The following MYH7 variants were observed in gnomAD, a reference collection of about 807,000 sequenced individuals.
The protein encoded by MYH7 is myosin-7.
MYH7 carries 129 observed loss-of-function variants against 225.4 expected under a neutral mutation model. The ratio of observed to expected loss-of-function variants is 0.57; its 90% CI spans 0.50 to 0.66. The LOEUF (loss-of-function observed/expected upper bound fraction) is 0.66, where lower values mean the gene tolerates loss of function less well. Ranked by LOEUF, MYH7 falls within the 30% of genes least tolerant of loss-of-function variation. The probability of loss-of-function intolerance (pLI) is 0.00; values close to 1 mark genes in which losing one functional copy is unlikely to be tolerated. For synonymous variants in MYH7, 971 were observed against 1,007.6 expected (o/e 0.96, Z 0.69); for missense variants, 1,649 against 2,517.0 (o/e 0.66, Z 7.38).
rs1181864990 is a variant in MYH7 at position 23,419,306 on chromosome 14, A to G, written c.3854-11T>C. 1.2e-5 allele frequency: 19 copies of G among 1,613,828 alleles called. No homozygotes were observed. The highest frequency in any genetic ancestry group is 1.4e-5 in the Non-Finnish European group (17 of 1,179,970). On this transcript the variant is annotated splice_polypyrimidine_tract_variant and intron_variant, in intron 28 of 39. Transcript: ENST00000355349. ...GCCGGGACAGCTCACCTGGGGAAGC[A>G]CCATTCTAGATCAGCACTCCTCTCT... is the stretch of plus-strand genomic sequence containing the variant.
intron 33 of MYH7, 94 bp downstream of exon 33, chr14:23,416,774 A>G (rs1264218807): frequency 1.3e-6 from 2 of 1,598,088 alleles, no homozygotes; most frequent in Admixed American, 3.3e-5. Flanking sequence ...TGGGGATGGG[A>G]CAGTGAACAA....
rs753484341 is a variant in MYH7, at chr14:23,417,513, T to C, written c.4343A>G (p.Asn1448Ser). The C allele has an allele frequency of 6.2e-7, 1 of 1,612,286 alleles. No individual in the cohort carries two copies. Among genetic ancestry groups the C allele is most frequent in the Non-Finnish European group, 8.5e-7 (1 of 1,180,030 alleles). The change falls in exon 31 of 40, where the codon AAC becomes AGC. Residue 1448 changes from asparagine to serine, a missense_variant. By Grantham distance (46) the Asn-to-Ser change is conservative. This residue lies in a region of MYH7 where 687 missense variants were observed against 913.8 expected (regional missense o/e 0.75). Coordinates refer to ENST00000355349, the MANE Select transcript of MYH7 (RefSeq NM_000257.4). Reference protein sequence around the residue: ...AAAALDKKQRNFDKILAEWKQ... With the variant: ...AAAALDKKQRSFDKILAEWKQ... ...CCACCCAGGGCCCACCTTGTCGAAG[T>C]TCCTCTGCTTCTTGTCCAGGGCTGC...
In MYH7 at chr14:23,416,947, G is replaced by A. The variant is rs2138644446; in HGVS notation, c.4565C>T (p.Thr1522Ile). 1.2e-6 allele frequency: 2 copies of A among 1,614,246 alleles called. No individual in the cohort carries two copies. Among genetic ancestry groups the A allele is most frequent in the South Asian group, 1.1e-5 (1 of 91,082 alleles). The change falls in exon 33 of 40, where the codon ACT (threonine) becomes ATT (isoleucine). Residue 1522 changes from threonine (T) to isoleucine (I), a missense_variant. This residue lies in a region of MYH7 where 687 missense variants were observed against 913.8 expected (regional missense o/e 0.75). Transcript: ENST00000355349. Reference sequence around the variant, plus strand: ...TCGGACCTTCTCCAGCTCATGGATAGTCTTTCCGCTGGAACCCAACTGCTC... The same window carrying A: ...TCGGACCTTCTCCAGCTCATGGATAATCTTTCCGCTGGAACCCAACTGCTC... ...LTEQLGSSGK[T>I]IHELEKVRKQ...
intron 15 of MYH7, 114 bp from the exon 16 acceptor site, chr14:23,428,008 AG>A (rs1892764093): frequency 7.4e-7 from 1 of 1,351,664 alleles, no homozygotes; most frequent in South Asian, 1.3e-5. Context: ...TTAAGGTAGT[AG>A]GCTCAGCTCT....
chr14:23,414,452 T>C (rs1349123476), intron 37 of MYH7, among the ~76,000 whole-genome samples: 1 of 152,026 alleles, frequency 6.6e-6, no homozygotes, highest in African/African-American at 2.4e-5. Flanking sequence ...GCTATGAGTG[T>C]GATGGAATTT....
rs1222899350 is a variant in MYH7, at chr14:23,419,976, T to C, written c.3595A>G (p.Ser1199Gly). ...AAALRKKHADSVAELGEQIDN... is the reference protein window; with the variant it reads ...AAALRKKHADGVAELGEQIDN... The stretch of plus-strand genomic sequence containing the variant: ...ATCTGCTCGCCCAGCTCGGCCACGC[T>C]GTCGGCGTGCTTCTTGCGCAGGGCC... Residue 1199 changes from serine to glycine, a missense_variant, in exon 27 of 40, where the codon AGC becomes GGC. By Grantham distance (56) the Ser-to-Gly change is moderately conservative. Coordinates refer to ENST00000355349, the MANE Select transcript of MYH7 (RefSeq NM_000257.4). The C allele has an allele frequency of 6.2e-7, 1 of 1,605,442 alleles. No individual in the cohort carries two copies. The highest frequency in any genetic ancestry group is 8.5e-7 in the Non-Finnish European group (1 of 1,174,162).
In MYH7 at chr14:23,415,160, G is replaced by T; in HGVS notation, c.5394C>A (p.Asp1798Glu). Residue 1798 changes from aspartate (D) to glutamate (E), a missense_variant, in exon 37 of 40, where the codon GAC (aspartate) becomes GAA (glutamate). Coordinates refer to ENST00000355349, the MANE Select transcript of MYH7 (RefSeq NM_000257.4). This position sits in a 1 kb window ranked among gnomAD's most constrained non-coding sequence, Gnocchi z 6.3. ...QTIKDLQHRL[D>E]EAEQIALKGG... ...CCTTGAGGGCGATCTGCTCGGCTTC[G>T]TCCAGCCGGTGCTGCAGGTCCTTAA... 1.2e-6 allele frequency: 2 copies of T among 1,614,198 alleles called. No individual in the cohort carries two copies. Among genetic ancestry groups the T allele is most frequent in the Non-Finnish European group, 1.7e-6 (2 of 1,180,052 alleles).
At position 23,427,577 on chromosome 14, in the gene MYH7, C is replaced by A. The variant is rs200668471; in HGVS notation, c.1888+8G>T. On this transcript the variant is annotated splice_region_variant and intron_variant, in intron 16 of 39. Coordinates refer to ENST00000355349, the MANE Select transcript of MYH7 (RefSeq NM_000257.4). ...TCCTCTGTACCGGGAGCCTCAGTCCCTACTTACGCGCATCAGCCCCAGCAT... is the reference window on the plus strand; with the variant it reads ...TCCTCTGTACCGGGAGCCTCAGTCCATACTTACGCGCATCAGCCCCAGCAT... The A allele has an allele frequency of 1.6e-4, 261 of 1,613,934 alleles. No individual in the cohort carries two copies. Among genetic ancestry groups the A allele is most frequent in the Non-Finnish European group, 2.1e-4 (243 of 1,179,980 alleles).
intron 29 of MYH7, among the ~76,000 whole-genome samples, chr14:23,418,904 C>T (rs1355377125): frequency 6.6e-6 from 1 of 152,194 alleles, no homozygotes; most frequent in Non-Finnish European, 1.5e-5. Context: ...CATCCCCTAG[C>T]CGTGCCCGGG....
intron 32 of MYH7, 25 bp downstream of exon 32, chr14:23,417,128 C>A: frequency 6.2e-7 from 1 of 1,614,204 alleles, no homozygotes; most frequent in African/African-American, 1.3e-5. Flanking sequence ...CAGCCCCTCC[C>A]CAGCCTCTTG....
chr14:23,426,233 T>A, intron 18 of MYH7, 152 bp from the exon 19 acceptor site: 2 of 911,842 alleles, frequency 2.2e-6, no homozygotes, highest in Non-Finnish European at 3.3e-6. Context: ...CATTTTTAAC[T>A]AAAAGGCTTT....
rs1566532860 is a variant in MYH7, at chr14:23,426,072, TC to T, written c.2053del (p.Asp685ThrfsTer41). On this transcript the variant is annotated frameshift_variant, in exon 19 of 40. Coordinates refer to ENST00000355349, the MANE Select transcript of MYH7 (RefSeq NM_000257.4). LOFTEE classifies it high-confidence loss of function. ...CAGCTGGTGCATGACCAGGGGGTTGTCCATCACCCCTGTGGCAAGAAGGAAG... is the reference window on the plus strand; with the variant it reads ...CAGCTGGTGCATGACCAGGGGGTTGTCATCACCCCTGTGGCAAGAAGGAAG... ...PNETKSPGVM[D>X]NPLVMHQLRC... 1 of 1,614,176 alleles carries T rather than the reference TC, an allele frequency of 6.2e-7. No homozygotes were observed. The highest frequency in any genetic ancestry group is 8.5e-7 in the Non-Finnish European group (1 of 1,180,022).
intron 10 of MYH7, 41 bp from the exon 11 acceptor site, chr14:23,430,704 G>T: frequency 6.5e-7 from 1 of 1,546,144 alleles, no homozygotes; most frequent in Non-Finnish European, 8.9e-7. Context: ...ACAAGCCCCC[G>T]GCTCTCATGG....
At chr14:23,417,363 C>T (rs755412978) in intron 31 of MYH7, 45 bp from the exon 32 acceptor site, 17 of 1,612,384 alleles carry the variant, frequency 1.1e-5, no homozygotes, top group Middle Eastern at 2.1e-4. Flanking sequence ...AGCCTCAGCC[C>T]CATGTCCAGG....
At chr14:23,418,039 T>A in intron 30 of MYH7, 171 bp downstream of exon 30, 1 of 1,068,956 alleles carries the variant, frequency 9.4e-7, no homozygotes, top group Non-Finnish European at 1.5e-6. Flanking sequence ...GAAACATAAT[T>A]CGAGCAAAAA....
In MYH7 at chr14:23,417,566, C is replaced by A. The variant is rs372476972; in HGVS notation, c.4290G>T (p.Val1430=). The change falls in exon 31 of 40, where the codon GTG becomes GTT. Residue 1430 remains valine, a synonymous_variant. Coordinates refer to ENST00000355349, the MANE Select transcript of MYH7 (RefSeq NM_000257.4). Reference sequence around the variant, plus strand: ...CAGCAGCATTGGAGCGCTCTACGTCCACCATCAAGTCCTCGATCTCATTCT... The same window carrying A: ...CAGCAGCATTGGAGCGCTCTACGTCAACCATCAAGTCCTCGATCTCATTCT... ...RLQNEIEDLM[V]DVERSNAAAA... is the part of the protein sequence containing the mutation. 5.1e-5 allele frequency: 82 copies of A among 1,612,360 alleles called. No individual in the cohort carries two copies. In the Middle Eastern group the frequency reaches 6.5e-4, roughly 13 times the overall value.
intron 33 of MYH7, 74 bp from the exon 34 acceptor site, chr14:23,416,386 T>C: frequency 6.7e-7 from 1 of 1,496,110 alleles, no homozygotes; most frequent in Non-Finnish European, 9.1e-7. Flanking sequence ...TGCTCACTAA[T>C]CATGGATACG....
Position 23,424,873 on chromosome 14 carries a change from G to GC in MYH7, c.2574_2575insG (p.Leu859AlafsTer28). On this transcript the variant is annotated frameshift_variant, in exon 22 of 40. Transcript: ENST00000355349. LOFTEE classifies it high-confidence loss of function. ...TCGGACTTCTCTAGCGCCTCTTTGA[G>GC]GCGTGTGAACTCCTCCTTCATGGAG... 1.2e-6 allele frequency: 2 copies of GC among 1,614,216 alleles called. No homozygotes were observed. The highest frequency in any genetic ancestry group is 1.7e-6 in the Non-Finnish European group (2 of 1,180,044).
Position 23,422,475 on chromosome 14 carries a change from A to T in MYH7, c.3100-150T>A. On this transcript the variant is annotated intron_variant, in intron 24 of 39. Transcript: ENST00000355349. ...GGCCAAATGTTATTAGGGGACTGTG[A>T]GATTGCCTAGATATAGGGGATGCTG... is the stretch of plus-strand genomic sequence containing the variant. 3.1e-6 allele frequency: 3 copies of T among 967,830 alleles called. No individual in the cohort carries two copies. In the South Asian group the frequency reaches 4.2e-5, roughly 13 times the overall value. 60.0% of individuals were successfully genotyped at this position (967,830 alleles called of 1,614,324 possible).
Sources: gnomAD v4.1 joint callset for allele counts (sites outside exome capture counted in the v4.1 genomes callset) on GRCh38, gnomAD v4.1.1 for gene constraint, gnomAD v4.1.1 regional missense constraint, Gnocchi (gnomAD v3.1) non-coding constraint, MANE v1.5 for transcripts, NCBI Gene and HGNC (gene_info 2026-07-23, HGNC 2026-07-21) for gene names.